Variants in THRAP3 observed in about 807,000 individuals in gnomAD.
THRAP3 encodes the protein thyroid hormone receptor associated protein 3.
Under a neutral mutation model 101.0 loss-of-function variants are expected in THRAP3, and 16 were observed. The observed-to-expected ratio is 0.16, with a 90% CI of 0.11 to 0.24. The LOEUF (loss-of-function observed/expected upper bound fraction) is 0.24, where lower values mean the gene tolerates loss of function less well. THRAP3 is among the 10% of genes least tolerant of loss of function. The pLI is 1.00. For synonymous variants in THRAP3, 407 were observed against 422.6 expected, an observed-to-expected ratio of 0.96 and a Z score of 0.45; for missense variants, 989 against 1,202.7, an observed-to-expected ratio of 0.82 and a Z score of 2.63.
chr1:36,251,933 T>C (rs1170733675), intron 1 of THRAP3, among the ~76,000 whole-genome samples: 3 of 152,204 alleles, frequency 2.0e-5, no homozygotes, highest in East Asian at 1.9e-4. Flanking sequence ...AAACATAGGC[T>C]TCAGAGCCAG....
the THRAP3 span, among the ~76,000 whole-genome samples, chr1:36,211,601 C>G: frequency 6.6e-6 from 1 of 152,264 alleles, no homozygotes; most frequent in South Asian, 2.1e-4. Context: ...GCTTAGTAAC[C>G]GCTAGACTAG....
At chr1:36,281,248 TTATGAC>T (rs1645727658) in intron 2 of THRAP3, among the ~76,000 whole-genome samples, 1 of 152,220 alleles carries the variant, frequency 6.6e-6, no homozygotes, top group Non-Finnish European at 1.5e-5. Context: ...TGATGGTTCT[TTATGAC>T]TAGATGTGCC....
chr1:36,269,323 C>G (rs534665678), intron 2 of THRAP3, among the ~76,000 whole-genome samples: 6 of 151,932 alleles, frequency 3.9e-5, no homozygotes, highest in East Asian at 1.9e-4. Flanking sequence ...GAAGCTGCAG[C>G]CTTTTGGGGT....
Position 36,291,472 on chromosome 1 carries a change from A to G in THRAP3, c.1844A>G (p.Gln615Arg). ...TTTCGTTCCATTTTCCAGCACATAC[A>G]ATCAGCTCAGTCTCAGCGTAGCCCC... ...QEFRSIFQHI[Q>R]SAQSQRSPSE... is the part of the protein sequence containing the mutation. The change falls in exon 6 of 12, where the codon CAA becomes CGA. Residue 615 changes from glutamine to arginine, a missense_variant. Transcript: ENST00000354618. The G allele has an allele frequency of 6.2e-7, 1 of 1,614,216 alleles. No individual in the cohort carries two copies. The highest frequency in any genetic ancestry group is 8.5e-7 in the Non-Finnish European group (1 of 1,180,038).
intron 1 of THRAP3, among the ~76,000 whole-genome samples, chr1:36,256,225 A>G (rs893947317): frequency 2.1e-4 from 30 of 141,990 alleles, no homozygotes; most frequent in Non-Finnish European, 4.1e-4. Context: ...TATTGTTATT[A>G]TTATTATTAT....
intron 1 of THRAP3, among the ~76,000 whole-genome samples, chr1:36,227,481 C>T (rs1014295437): frequency 1.3e-5 from 2 of 152,014 alleles, no homozygotes; most frequent in Non-Finnish European, 2.9e-5. Flanking sequence ...AGTGTTTCTC[C>T]ATGTTGGTCA....
At chr1:36,242,742 C>T (rs949552088) in intron 1 of THRAP3, among the ~76,000 whole-genome samples, 1 of 152,194 alleles carries the variant, frequency 6.6e-6, no homozygotes, top group Admixed American at 6.5e-5. Context: ...TGAGCCACCA[C>T]GCCCACCCTC....
At chr1:36,225,917 TA>T (rs1251613191) in intron 1 of THRAP3, among the ~76,000 whole-genome samples, 5 of 152,324 alleles carry the variant, frequency 3.3e-5, no homozygotes, top group African/African-American at 1.2e-4. Flanking sequence ...GTGATTTGAT[TA>T]AAAACCTCTA....
At chr1:36,217,470 T>G in the THRAP3 span, among the ~76,000 whole-genome samples, 16 of 151,866 alleles carry the variant, frequency 1.1e-4, no homozygotes, top group East Asian at 2.9e-3. Flanking sequence ...GGGCAGCGGT[T>G]GGTAGAAAGG....
At chr1:36,208,176 T>G in the THRAP3 span, among the ~76,000 whole-genome samples, 1 of 152,204 alleles carries the variant, frequency 6.6e-6, no homozygotes, top group Non-Finnish European at 1.5e-5. Context: ...GCTGCCCATG[T>G]GAGCACCCAA....
chr1:36,298,140 T>C (rs1645977166), intron 9 of THRAP3, among the ~76,000 whole-genome samples: 1 of 85,512 alleles, frequency 1.2e-5, no homozygotes, highest in African/African-American at 4.3e-5. Context: ...GAGTGAGACT[T>C]CATCTCAAAA....
intron 1 of THRAP3, among the ~76,000 whole-genome samples, chr1:36,246,201 T>G (rs1167925193): frequency 6.6e-6 from 1 of 152,124 alleles, no homozygotes; most frequent in Non-Finnish European, 1.5e-5. Context: ...GACTGGTGCA[T>G]GAGAGGATAA....
intron 2 of THRAP3, among the ~76,000 whole-genome samples, chr1:36,279,399 C>A (rs1645703600): frequency 1.3e-5 from 2 of 152,060 alleles, no homozygotes; most frequent in Non-Finnish European, 2.9e-5. Context: ...ACCCAGAGAA[C>A]CCCAAAATAA....
At chr1:36,250,134 C>T (rs766355499) in intron 1 of THRAP3, among the ~76,000 whole-genome samples, 12 of 151,828 alleles carry the variant, frequency 7.9e-5, no homozygotes, top group Middle Eastern at 3.4e-3. Context: ...GATATATTAT[C>T]GACATTTCCA....
At chr1:36,250,475 G>A (rs1159631449) in intron 1 of THRAP3, among the ~76,000 whole-genome samples, 2 of 152,056 alleles carry the variant, frequency 1.3e-5, no homozygotes, top group South Asian at 2.1e-4. Flanking sequence ...GTCTCCCAAA[G>A]TTCTGGGATT....
chr1:36,271,001 C>T (rs1393758986), intron 2 of THRAP3, among the ~76,000 whole-genome samples: 1 of 152,090 alleles, frequency 6.6e-6, no homozygotes, highest in Middle Eastern at 3.4e-3. Context: ...AAATCTCTGC[C>T]TAAAAAAATT....
chr1:36,212,968 G>A, the THRAP3 span, among the ~76,000 whole-genome samples: 3 of 152,196 alleles, frequency 2.0e-5, no homozygotes, highest in East Asian at 3.8e-4. Flanking sequence ...GGAAGGGCAT[G>A]AGCAGGAATG....
At chr1:36,247,778 A>C (rs937182991) in intron 1 of THRAP3, among the ~76,000 whole-genome samples, 2 of 152,012 alleles carry the variant, frequency 1.3e-5, no homozygotes, top group African/African-American at 2.4e-5. Flanking sequence ...TTGAATATAC[A>C]GTACATTATT....
chr1:36,287,509 G>A, intron 4 of THRAP3: 1 of 985,390 alleles, frequency 1.0e-6, no homozygotes, highest in Non-Finnish European at 1.2e-6. Context: ...CTGCAATGAT[G>A]TTTTCACATT....
Sources: allele counts gnomAD v4.1 joint callset (sites outside exome capture counted in the v4.1 genomes callset), GRCh38; gene constraint gnomAD v4.1.1; transcripts MANE v1.5; gene names NCBI Gene and HGNC (gene_info 2026-07-23, HGNC 2026-07-21).